Variants in FANCA observed in about 807,000 individuals in gnomAD.
The protein encoded by FANCA is FA complementation group A.
A neutral mutation model predicts 194.3 loss-of-function variants in FANCA; 236 were observed. The ratio of observed to expected loss-of-function variants is 1.21; its 90% CI spans 1.09 to 1.35. FANCA has a LOEUF of 1.35. FANCA is among the 40% of genes most tolerant of loss of function. FANCA has a pLI of 0.00. For missense variants in FANCA, 2,628 were observed against 1,813.9 expected (o/e 1.45, Z -8.15); for synonymous variants, 1,014 against 715.8 (o/e 1.42, Z -6.65).
chr16:89,753,714 C>G (rs544275230), intron 30 of FANCA, among the ~76,000 whole-genome samples: 1 of 152,238 alleles, frequency 6.6e-6, no homozygotes, highest in East Asian at 1.9e-4. Flanking sequence ...TCAGGGGCAA[C>G]AAGGATGTCC....
At chr16:89,816,184 G>A (rs1421658999) in intron 1 of FANCA, 198 bp from the exon 2 acceptor site, 2 of 617,952 alleles carry the variant, frequency 3.2e-6, no homozygotes, top group African/African-American at 1.8e-5. Flanking sequence ...GACGGCCCAG[G>A]AGGGCCCGAG....
chr16:89,815,898 G>C lies in FANCA; in HGVS notation c.168C>G (p.Asp56Glu). 5.0e-6 allele frequency: 8 copies of C among 1,613,934 alleles called. No individual in the cohort carries two copies. Among genetic ancestry groups the C allele is most frequent in the Non-Finnish European group, 6.8e-6 (8 of 1,179,814 alleles). The change falls in exon 2 of 43, where the codon GAC (aspartate) becomes GAG (glutamate). Residue 56 changes from aspartate (D) to glutamate (E), a missense_variant. Coordinates refer to ENST00000389301, the MANE Select transcript of FANCA (RefSeq NM_000135.4). ...TTACCTCAAGCAAAAGGGCATTCAG[G>C]TCCTGATGGCTTCGCAGGAGGCGCA... ...SAVRLLRSHQ[D>E]LNALLLEVEG...
At chr16:89,757,887 C>CT (rs936112600) in intron 30 of FANCA, among the ~76,000 whole-genome samples, 25 of 152,026 alleles carry the variant, frequency 1.6e-4, no homozygotes, top group Admixed American at 1.2e-3. Context: ...CTATTTTTAT[C>CT]TTTTTTTTGA....
At position 89,740,405 on chromosome 16, in the gene FANCA, C is replaced by T. The variant is rs55927037; in HGVS notation, c.3829-306G>A. 1.4e-3 allele frequency: 648 copies of T among 471,072 alleles called. 1 individual carries two copies. Among genetic ancestry groups the T allele is most frequent in the African/African-American group, 9.5e-3 (488 of 51,482 alleles). 29.2% of individuals were successfully genotyped at this position (471,072 alleles called of 1,614,324 possible). On this transcript the variant is annotated intron_variant, in intron 38 of 42. Transcript: ENST00000389301. ...CTGTAATCCCAACACTTTGGGAGGC[C>T]GAGGTCGGCGGATCACTGAGGCCAG...
intron 38 of FANCA, 103 bp downstream of exon 38, chr16:89,740,701 C>T: frequency 1.1e-6 from 1 of 904,410 alleles, no homozygotes; most frequent in Non-Finnish European, 1.8e-6. Context: ...ACACAAGGAG[C>T]TCCTGAGCTA....
intron 35 of FANCA, among the ~76,000 whole-genome samples, chr16:89,745,306 G>A (rs537490695): frequency 1.1e-4 from 17 of 152,352 alleles, no homozygotes; most frequent in Non-Finnish European, 2.2e-4. Context: ...GAAGAGCCTG[G>A]CCTAACGCAA....
rs547984666 is a variant in FANCA at position 89,746,676 on chromosome 16, C to T, written c.3421G>A (p.Ala1141Thr). 1.1e-5 allele frequency: 17 copies of T among 1,614,094 alleles called. No individual in the cohort carries two copies. Among genetic ancestry groups the T allele is most frequent in the East Asian group, 6.7e-5 (3 of 44,880 alleles). The change falls in exon 35 of 43, where the codon GCC becomes ACC. Residue 1141 changes from alanine to threonine, a missense_variant. Ala to Thr is a moderately conservative substitution (Grantham distance 58). Transcript: ENST00000389301. ...GAGGGGTCTCTGCTCCGCAGACAGG[C>T]GTTCAGGAGGCCCTGCAGGAGAGAA... is the stretch of plus-strand genomic sequence containing the variant. ...TAHFFRGLLN[A>T]CLRSRDPSLM... is the part of the protein sequence containing the mutation.
rs189173022 is a variant in FANCA, at chr16:89,802,295, G to T, written c.792+964C>A. On this transcript the variant is annotated intron_variant, in intron 8 of 42. Coordinates refer to ENST00000389301, the MANE Select transcript of FANCA (RefSeq NM_000135.4). The stretch of plus-strand genomic sequence containing the variant: ...TTTTTTTTTTTTTACTAGAGACAGG[G>T]TTTCACCATGTTGGTCAGGCTGGTC... Among the ~76,000 whole-genome samples, 392 of 150,092 alleles carry T rather than the reference G, an allele frequency of 2.6e-3. 1 individual carries two copies. The highest frequency in any genetic ancestry group is 9.1e-3 in the African/African-American group (371 of 40,726).
intron 14 of FANCA, among the ~76,000 whole-genome samples, chr16:89,785,851 G>GTCTT (rs1598142247): frequency 1.1e-5 from 1 of 91,706 alleles, no homozygotes; most frequent in Non-Finnish European, 1.9e-5. Flanking sequence ...GTGCAAAATT[G>GTCTT]TGTTTTGTTT....
chr16:89,810,772 G>C lies in FANCA; in HGVS notation c.457C>G (p.Gln153Glu), dbSNP rs774448881. 17 of 1,613,436 alleles carry C rather than the reference G, an allele frequency of 1.1e-5. No homozygotes were observed. In the South Asian group the frequency reaches 1.3e-4, roughly 13 times the overall value. ...KKLSSLLEFA[Q>E]YLLAHSMFSR... ...AACATACTGTGTGCCAATAAATACTGAGCAAACTCTAACAGGGAAGACAGC... is the reference window on the plus strand; with the variant it reads ...AACATACTGTGTGCCAATAAATACTCAGCAAACTCTAACAGGGAAGACAGC... Residue 153 changes from glutamine (Q) to glutamate (E), a missense_variant, in exon 5 of 43, where the codon CAG becomes GAG. Coordinates refer to ENST00000389301, the MANE Select transcript of FANCA (RefSeq NM_000135.4).
At chr16:89,791,816 C>G (rs1314464727) in intron 13 of FANCA, 111 bp downstream of exon 13, 7 of 1,389,816 alleles carry the variant, frequency 5.0e-6, no homozygotes, top group African/African-American at 2.9e-5. Context: ...AGGTTCCGGG[C>G]AGGTAGGGAA....
At chr16:89,761,616 T>C (rs145385064) in intron 29 of FANCA, among the ~76,000 whole-genome samples, 1,700 of 152,048 alleles carry the variant, frequency 0.011, 30 homozygotes, top group African/African-American at 0.039. Context: ...CCGTGTAACA[T>C]TTTAAAGGGA....
chr16:89,816,487 C>T (rs1423514585), intron 1 of FANCA, 50 bp downstream of exon 1: 1 of 1,429,150 alleles, frequency 7.0e-7, no homozygotes, highest in African/African-American at 1.5e-5. Context: ...CCGGCGAAAC[C>T]GTCCCGGGCC....
In FANCA at chr16:89,742,935, G is replaced by A. The variant is rs776001484; in HGVS notation, c.3630C>T (p.Phe1210=). The change falls in exon 37 of 43, where the codon TTC becomes TTT. Residue 1210 remains phenylalanine (F), a synonymous_variant. Coordinates refer to ENST00000389301, the MANE Select transcript of FANCA (RefSeq NM_000135.4). ...LQEGRQFASD[F]LSPEAASPAP... ...CTGGGGAGGCAGCCTCAGGGGAGAG[G>A]AAACTGGGACAGAGAGAACGGGGTC... is the stretch of plus-strand genomic sequence containing the variant. The A allele has an allele frequency of 3.7e-6, 6 of 1,613,822 alleles. No individual in the cohort carries two copies. In the Admixed American group the frequency reaches 8.3e-5, roughly 22 times the overall value.
At chr16:89,767,788 T>A (rs904145382) in intron 26 of FANCA, among the ~76,000 whole-genome samples, 1 of 152,084 alleles carries the variant, frequency 6.6e-6, no homozygotes, top group African/African-American at 2.4e-5. Flanking sequence ...GACTTCGTGC[T>A]CCGCCCACCT....
At chr16:89,744,895 T>C in intron 36 of FANCA, 64 bp downstream of exon 36, 11 of 1,432,648 alleles carry the variant, frequency 7.7e-6, no homozygotes, top group Admixed American at 3.5e-5. Context: ...GTTTAGGAGA[T>C]GACCTTGAGC....
At chr16:89,748,590 C>G in intron 33 of FANCA, 69 bp downstream of exon 33, 2 of 1,185,058 alleles carry the variant, frequency 1.7e-6, no homozygotes, top group Admixed American at 1.8e-5. Flanking sequence ...CGCATGGAGG[C>G]TGCAAGAGCT....
intron 14 of FANCA, among the ~76,000 whole-genome samples, chr16:89,788,833 T>G (rs1342592687): frequency 6.6e-6 from 1 of 152,184 alleles, no homozygotes; most frequent in African/African-American, 2.4e-5. Flanking sequence ...AAACCTCATT[T>G]AATGGTACAC....
In FANCA at chr16:89,749,862, A is replaced by G. The variant is rs767807745; in HGVS notation, c.3107T>C (p.Val1036Ala). 2.5e-6 allele frequency: 4 copies of G among 1,614,198 alleles called. No homozygotes were observed. In the South Asian group the frequency reaches 4.4e-5, roughly 18 times the overall value. Residue 1036 changes from valine (V) to alanine (A), a missense_variant, in exon 32 of 43, where the codon GTG (valine) becomes GCG (alanine). By Grantham distance (64) the Val-to-Ala change is moderately conservative (BLOSUM62 0). Transcript: ENST00000389301. ...CTGGGAAGGGGTGTGGCCGAGAGGCACTATGAGGTCTTGCTGCAGCTCCAG... is the reference window on the plus strand; with the variant it reads ...CTGGGAAGGGGTGTGGCCGAGAGGCGCTATGAGGTCTTGCTGCAGCTCCAG... ...ADLELQQDLI[V>A]PLGHTPSQEH... is the part of the protein sequence containing the mutation.
Sources: gnomAD v4.1 joint callset for allele counts (sites outside exome capture counted in the v4.1 genomes callset) on GRCh38, gnomAD v4.1.1 for gene constraint, MANE v1.5 for transcripts, NCBI Gene and HGNC (gene_info 2026-07-23, HGNC 2026-07-21) for gene names.